Variants in GKAP1 observed in about 807,000 individuals in gnomAD.
GKAP1 encodes the protein G kinase anchoring protein 1.
Under a neutral mutation model 56.7 loss-of-function variants are expected in GKAP1, and 31 were observed. The ratio of observed to expected loss-of-function variants is 0.55; its 90% CI spans 0.41 to 0.74. The LOEUF (loss-of-function observed/expected upper bound fraction) is 0.74. Ranked by LOEUF, GKAP1 falls within the 30% of genes least tolerant of loss-of-function variation. The pLI, the probability that GKAP1 is intolerant of heterozygous loss-of-function variation, is 0.00. For synonymous variants in GKAP1, 151 were observed against 138.6 expected (o/e 1.09, Z -0.63); for missense variants, 364 against 402.3 (o/e 0.90, Z 0.82).
chr9:83,785,559 C>G (rs1944050397), intron 5 of GKAP1, among the ~76,000 whole-genome samples: 1 of 152,180 alleles, frequency 6.6e-6, no homozygotes, highest in African/African-American at 2.4e-5. Context: ...ATGTGCACAT[C>G]TGTCTAAGTT....
intron 7 of GKAP1, among the ~76,000 whole-genome samples, chr9:83,779,722 G>T (rs1943939865): frequency 6.7e-6 from 1 of 148,714 alleles, no homozygotes; most frequent in Admixed American, 6.7e-5. Context: ...TATAATAGAA[G>T]AATAAAACTT....
At chr9:83,797,004 G>A (rs1944259035) in intron 4 of GKAP1, among the ~76,000 whole-genome samples, 3 of 152,096 alleles carry the variant, frequency 2.0e-5, no homozygotes, top group Admixed American at 1.3e-4. Flanking sequence ...TAAGTACAAT[G>A]TGCTTTTCCT....
At chr9:83,770,975 C>G (rs1943749587) in intron 7 of GKAP1, among the ~76,000 whole-genome samples, 1 of 152,174 alleles carries the variant, frequency 6.6e-6, no homozygotes, top group Non-Finnish European at 1.5e-5. Context: ...TTTACATTCT[C>G]CAAGAAAAGG....
intron 7 of GKAP1, among the ~76,000 whole-genome samples, chr9:83,769,833 T>C (rs1943726536): frequency 6.6e-6 from 1 of 152,204 alleles, no homozygotes; most frequent in Non-Finnish European, 1.5e-5. Flanking sequence ...CCATCAGCAG[T>C]CAAGTGGGTT....
intron 3 of GKAP1, among the ~76,000 whole-genome samples, chr9:83,800,260 T>C (rs1944308968): frequency 6.6e-6 from 1 of 150,984 alleles, no homozygotes; most frequent in Non-Finnish European, 1.5e-5. Context: ...GCATACTGCC[T>C]ATGAGTTAGC....
intron 2 of GKAP1, among the ~76,000 whole-genome samples, chr9:83,812,282 CAT>C (rs1239388096): frequency 4.1e-5 from 6 of 145,428 alleles, no homozygotes; most frequent in Non-Finnish European, 9.0e-5. Flanking sequence ...TATATATACA[CAT>C]ATATACGTAT....
chr9:83,767,355 T>C (rs1943680865), intron 8 of GKAP1, among the ~76,000 whole-genome samples: 3 of 152,032 alleles, frequency 2.0e-5, no homozygotes, highest in East Asian at 1.9e-4. Flanking sequence ...ATACAGTCTC[T>C]GTCACATATT....
At position 83,739,671 on chromosome 9, in the gene GKAP1, T is replaced by C. The variant is rs200846020; in HGVS notation, c.*26A>G. ...GCAAAATCCTGGAAGTTTTAAACTT[T>C]GTGTTGACTTCAAAGGCTAATGTAA... On this transcript the variant is annotated 3_prime_UTR_variant, in exon 13 of 13. Transcript: ENST00000376371. 2.0e-4 allele frequency: 320 copies of C among 1,583,154 alleles called. No individual in the cohort carries two copies. Among genetic ancestry groups the C allele is most frequent in the Non-Finnish European group, 2.6e-4 (305 of 1,163,692 alleles).
chr9:83,801,984 T>C (rs996841760), intron 3 of GKAP1, among the ~76,000 whole-genome samples: 16 of 152,194 alleles, frequency 1.1e-4, no homozygotes, highest in Admixed American at 8.5e-4. Context: ...GACATTACTA[T>C]GAGAATAAAA....
intron 2 of GKAP1, among the ~76,000 whole-genome samples, chr9:83,813,287 A>G (rs1363243060): frequency 6.6e-6 from 1 of 152,264 alleles, no homozygotes; most frequent in Non-Finnish European, 1.5e-5. Context: ...AAATGAAAAT[A>G]CAATGGACTG....
intron 8 of GKAP1, among the ~76,000 whole-genome samples, chr9:83,758,510 ATCAC>A (rs1564192243): frequency 6.6e-6 from 1 of 152,238 alleles, no homozygotes; most frequent in Non-Finnish European, 1.5e-5. Context: ...AGGCAGGCAG[ATCAC>A]TTGAGGTCAG....
chr9:83,780,741 G>A (rs1045621356), intron 6 of GKAP1, among the ~76,000 whole-genome samples: 3 of 152,060 alleles, frequency 2.0e-5, no homozygotes, highest in African/African-American at 7.2e-5. Context: ...GGGGGAGCAA[G>A]TCAAGGGGAC....
chr9:83,809,810 T>A (rs1944483232), intron 2 of GKAP1, among the ~76,000 whole-genome samples: 1 of 152,198 alleles, frequency 6.6e-6, no homozygotes, highest in Non-Finnish European at 1.5e-5. Context: ...GCTTATTTAT[T>A]CATTTGTTTA....
At chr9:83,761,866 T>A (rs1564193843) in intron 8 of GKAP1, among the ~76,000 whole-genome samples, 1 of 152,070 alleles carries the variant, frequency 6.6e-6, no homozygotes, top group Non-Finnish European at 1.5e-5. Context: ...CGCTTCATGA[T>A]AAAAACCTTC....
intron 10 of GKAP1, among the ~76,000 whole-genome samples, chr9:83,744,302 C>G (rs1047044070): frequency 2.0e-5 from 3 of 152,168 alleles, no homozygotes; most frequent in Non-Finnish European, 4.4e-5. Context: ...GAACATAACA[C>G]AAATTTTCAA....
At chr9:83,794,326 A>AT (rs1944209415) in intron 4 of GKAP1, among the ~76,000 whole-genome samples, 1 of 152,214 alleles carries the variant, frequency 6.6e-6, no homozygotes, top group Non-Finnish European at 1.5e-5. Flanking sequence ...CATAAAAGTG[A>AT]TTAATTTTGT....
At chr9:83,816,910 CA>C (rs1490350967) in intron 2 of GKAP1, 85 bp downstream of exon 2, 1 of 151,840 alleles carries the variant, frequency 6.6e-6, no homozygotes, top group African/African-American at 2.4e-5. Context: ...AAGGCTGTTC[CA>C]AACAATAACA....
chr9:83,813,632 G>A (rs905632469), intron 2 of GKAP1, among the ~76,000 whole-genome samples: 1 of 152,210 alleles, frequency 6.6e-6, no homozygotes, highest in Non-Finnish European at 1.5e-5. Flanking sequence ...ATGTATAGTT[G>A]AAGGAAGACA....
chr9:83,797,100 C>T (rs763285109), intron 4 of GKAP1, among the ~76,000 whole-genome samples: 5 of 152,164 alleles, frequency 3.3e-5, no homozygotes, highest in African/African-American at 1.2e-4. Flanking sequence ...GAGTGCTTTC[C>T]TACTGTCCAT....
Sources: allele counts gnomAD v4.1 joint callset (sites outside exome capture counted in the v4.1 genomes callset), GRCh38; gene constraint gnomAD v4.1.1; transcripts MANE v1.5; gene names NCBI Gene and HGNC (gene_info 2026-07-23, HGNC 2026-07-21).